Variants in ZNF728 observed in about 807,000 individuals in gnomAD.
The protein encoded by ZNF728 is zinc finger protein 728.
In ZNF728, 12 loss-of-function variants were observed where a neutral mutation model predicts 12.5. That is an observed-to-expected ratio of 0.96 (90% CI 0.61 to 1.55). The LOEUF (loss-of-function observed/expected upper bound fraction) is 1.55. Ranked by LOEUF, ZNF728 falls within the 40% of genes most tolerant of loss-of-function variation. The pLI is 0.00. For synonymous variants in ZNF728, 205 were observed against 240.7 expected, an observed-to-expected ratio of 0.85 and a Z score of 1.37; for missense variants, 692 against 719.2, an observed-to-expected ratio of 0.96 and a Z score of 0.43.
Position 22,976,257 on chromosome 19 carries a change from T to A in ZNF728, c.1080A>T (p.Val360=). The stretch of plus-strand genomic sequence containing the variant: ...TGTAGGGTTTCTCTCCAGTATGAAT[T>A]ACCTTATGTTTAGTAAGGGTTGAGA... The part of the protein sequence containing the change: ...GNFSTLTKHK[V]IHTGEKPYKC... The change falls in exon 4 of 4, where the codon GTA becomes GTT. Residue 360 remains valine, a synonymous_variant. Transcript: ENST00000594710. The A allele has an allele frequency of 6.2e-7, 1 of 1,613,270 alleles. No individual in the cohort carries two copies. Among genetic ancestry groups the A allele is most frequent in the Non-Finnish European group, 8.5e-7 (1 of 1,179,782 alleles).
At position 22,977,126 on chromosome 19, in the gene ZNF728, A is replaced by G; in HGVS notation, c.227-16T>C. The G allele has an allele frequency of 2.0e-6, 3 of 1,522,602 alleles. No homozygotes were observed. The highest frequency in any genetic ancestry group is 2.6e-6 in the Non-Finnish European group (3 of 1,140,814). The allele number at this position is 1,522,602 out of a possible 1,614,324, so 94.3% of individuals were successfully genotyped here. A position where few individuals can be genotyped will look rare whatever the true frequency, so the allele number is the denominator to read the frequency against. On this transcript the variant is annotated splice_polypyrimidine_tract_variant and intron_variant, in intron 3 of 3. Coordinates refer to ENST00000594710, the MANE Select transcript of ZNF728 (RefSeq NM_001267716.2). ...GAACATATAACTGAAAAGAAATAAA[A>G]ATAACAAATTAGTCCACTTATTAGA...
At chr19:22,980,985 A>G (rs1179061456) in intron 3 of ZNF728, among the ~76,000 whole-genome samples, 12 of 152,102 alleles carry the variant, frequency 7.9e-5, no homozygotes, top group Admixed American at 7.9e-4. Flanking sequence ...AAGAACAAAT[A>G]AATTCAAACC....
chr19:22,992,312 G>A (rs907037865), intron 1 of ZNF728, among the ~76,000 whole-genome samples: 6 of 151,134 alleles, frequency 4.0e-5, no homozygotes, highest in African/African-American at 1.2e-4. Context: ...GTGTGATCTC[G>A]GCTCACTGCA....
intron 3 of ZNF728, among the ~76,000 whole-genome samples, chr19:22,984,254 G>GA (rs1411586181): frequency 6.7e-6 from 1 of 148,350 alleles, no homozygotes; most frequent in Non-Finnish European, 1.5e-5. Flanking sequence ...TACAATAATA[G>GA]AAAAAAATTG....
chr19:22,986,002 T>C (rs560771950), intron 3 of ZNF728, among the ~76,000 whole-genome samples: 33 of 152,204 alleles, frequency 2.2e-4, no homozygotes, highest in Admixed American at 8.5e-4. Flanking sequence ...TGTCCAAAAA[T>C]AAAATGGGAA....
intron 1 of ZNF728, among the ~76,000 whole-genome samples, chr19:22,988,704 T>A (rs893106300): frequency 6.6e-6 from 1 of 152,176 alleles, no homozygotes; most frequent in African/African-American, 2.4e-5. Context: ...AGTATAAACT[T>A]GAGGGCATAA....
Position 22,975,517 on chromosome 19 carries a change from A to G in ZNF728, c.1820T>C (p.Leu607Pro). The G allele has an allele frequency of 1.3e-6, 2 of 1,563,822 alleles. No individual in the cohort carries two copies. The highest frequency in any genetic ancestry group is 1.7e-6 in the Non-Finnish European group (2 of 1,157,564). ...AGTATGAATTCTCTTATGAGTAGTA[A>G]GGTGTGAGGATTGGTTGAAGTCTTT... ...CGKDFNQSSH[L>P]TTHKRIHTGG... is the part of the protein sequence containing the mutation. Residue 607 changes from leucine (L) to proline (P), a missense_variant, in exon 4 of 4, where the codon CTT becomes CCT. This residue lies in a region of ZNF728 where 244 missense variants were observed against 235.2 expected (regional missense o/e 1.04). Transcript: ENST00000594710.
Position 22,976,719 on chromosome 19 carries a change from A to G in ZNF728, c.618T>C (p.His206=), listed in dbSNP as rs774898876. 1 of 1,613,460 alleles carries G rather than the reference A, an allele frequency of 6.2e-7. No homozygotes were observed. The highest frequency in any genetic ancestry group is 8.5e-7 in the Non-Finnish European group (1 of 1,179,938). ...TRENSYKSEE[H]GKAFNWSSAL... Reference sequence around the variant, plus strand: ...CTGAGGACCAGTTAAAGGCTTTGCCATGTTCTTCACTTTTGTAGGAATTCT... The same window carrying G: ...CTGAGGACCAGTTAAAGGCTTTGCCGTGTTCTTCACTTTTGTAGGAATTCT... Residue 206 remains histidine, a synonymous_variant, in exon 4 of 4, where the codon CAT becomes CAC. Coordinates refer to ENST00000594710, the MANE Select transcript of ZNF728 (RefSeq NM_001267716.2).
chr19:22,999,675 A>G (rs1418498573), intron 1 of ZNF728, among the ~76,000 whole-genome samples: 1 of 152,238 alleles, frequency 6.6e-6, no homozygotes, highest in African/African-American at 2.4e-5. Context: ...TAAGGTGCTT[A>G]CATTTTGTAC....
chr19:23,002,982 A>G (rs772420251), intron 1 of ZNF728, 46 bp downstream of exon 1: 1 of 1,585,494 alleles, frequency 6.3e-7, no homozygotes, highest in Admixed American at 1.7e-5. Context: ...ACCGGTTCCA[A>G]CCAGCGGCTG....
chr19:22,975,346 T>C lies in ZNF728; in HGVS notation c.*122A>G. On this transcript the variant is annotated 3_prime_UTR_variant, in exon 4 of 4. Coordinates refer to ENST00000594710, the MANE Select transcript of ZNF728 (RefSeq NM_001267716.2). The stretch of plus-strand genomic sequence containing the variant: ...CCAGTATGAATTACCTTATGTTTAG[T>C]AAGGATTGAGGAACAGTTAAAAAAT... 1.1e-6 allele frequency: 1 copy of C among 889,434 alleles called. No individual in the cohort carries two copies. The highest frequency in any genetic ancestry group is 1.7e-6 in the Non-Finnish European group (1 of 577,358). The allele number at this position is 889,434 out of a possible 1,614,324, so 55.1% of individuals were successfully genotyped here.
At chr19:22,999,174 A>G (rs547013453) in intron 1 of ZNF728, among the ~76,000 whole-genome samples, 87 of 152,230 alleles carry the variant, frequency 5.7e-4, no homozygotes, top group African/African-American at 1.4e-3. Context: ...TTTCCCTAGG[A>G]AAAAAAGCCC....
At chr19:22,984,611 CACACAT>C (rs1330528338) in intron 3 of ZNF728, among the ~76,000 whole-genome samples, 26 of 146,012 alleles carry the variant, frequency 1.8e-4, no homozygotes, top group African/African-American at 6.1e-4. Context: ...CACACACACA[CACACAT>C]ATACACACAC....
At chr19:22,993,341 T>A (rs781342559) in intron 1 of ZNF728, among the ~76,000 whole-genome samples, 1 of 152,242 alleles carries the variant, frequency 6.6e-6, no homozygotes, top group Non-Finnish European at 1.5e-5. Flanking sequence ...AGCCAGATCT[T>A]ATTTGCAGAT....
chr19:22,997,592 A>G (rs1019484964), intron 1 of ZNF728, among the ~76,000 whole-genome samples: 13 of 152,174 alleles, frequency 8.5e-5, no homozygotes, highest in African/African-American at 2.4e-4. Flanking sequence ...ATCATAAATA[A>G]AAGACTGAGA....
At chr19:22,980,807 A>G (rs1968853659) in intron 3 of ZNF728, among the ~76,000 whole-genome samples, 1 of 152,212 alleles carries the variant, frequency 6.6e-6, no homozygotes, top group South Asian at 2.1e-4. Flanking sequence ...GCAGAAATAA[A>G]AAAGTTCTTT....
At chr19:22,989,712 A>AT (rs1568276847) in intron 1 of ZNF728, among the ~76,000 whole-genome samples, 2 of 152,196 alleles carry the variant, frequency 1.3e-5, no homozygotes, top group Non-Finnish European at 2.9e-5. Context: ...CAAGATACAG[A>AT]TATCTCCCAT....
intron 1 of ZNF728, among the ~76,000 whole-genome samples, chr19:22,989,676 A>T (rs1019262032): frequency 2.0e-5 from 3 of 152,224 alleles, no homozygotes; most frequent in Admixed American, 2.0e-4. Context: ...TTTAACCATA[A>T]GGAAACATTA....
At chr19:22,991,283 T>A (rs1359278821) in intron 1 of ZNF728, among the ~76,000 whole-genome samples, 2 of 152,224 alleles carry the variant, frequency 1.3e-5, no homozygotes, top group African/African-American at 4.8e-5. Flanking sequence ...TGATAGCACA[T>A]TATGTGATTT....
Sources: gnomAD v4.1 joint callset for allele counts (sites outside exome capture counted in the v4.1 genomes callset) on GRCh38, gnomAD v4.1.1 for gene constraint, gnomAD v4.1.1 regional missense constraint, MANE v1.5 for transcripts, NCBI Gene and HGNC (gene_info 2026-07-23, HGNC 2026-07-21) for gene names.